Variants in INPP4B observed in about 807,000 individuals in gnomAD.
INPP4B encodes the protein inositol polyphosphate 4-phosphatase type II.
In INPP4B, 55 loss-of-function variants were observed where a neutral mutation model predicts 122.5. That is an observed-to-expected ratio of 0.45 (90% CI 0.36 to 0.56). The LOEUF is 0.56. Among genes scored for constraint, INPP4B ranks in the 20% least tolerant of loss-of-function variants. The probability of loss-of-function intolerance (pLI) is 0.00; values close to 1 mark genes in which losing one functional copy is unlikely to be tolerated. For missense variants in INPP4B, 1,000 were observed against 1,097.7 expected, an observed-to-expected ratio of 0.91 and a Z score of 1.26; for synonymous variants, 403 against 388.7, an observed-to-expected ratio of 1.04 and a Z score of -0.43.
At chr4:142,178,987 C>T (rs560003245) in intron 15 of INPP4B, among the ~76,000 whole-genome samples, 6 of 152,184 alleles carry the variant, frequency 3.9e-5, no homozygotes, top group South Asian at 2.1e-4. Context: ...GGTTTAATAA[C>T]GGGCTTCATG....
intron 17 of INPP4B, among the ~76,000 whole-genome samples, chr4:142,155,043 C>T (rs1816443467): frequency 6.6e-6 from 1 of 151,264 alleles, no homozygotes; most frequent in Admixed American, 6.6e-5. Flanking sequence ...AATATATATA[C>T]ACACATATAT....
intron 3 of INPP4B, among the ~76,000 whole-genome samples, chr4:142,432,805 A>T (rs1242523018): frequency 6.6e-6 from 1 of 152,144 alleles, no homozygotes; most frequent in Non-Finnish European, 1.5e-5. Flanking sequence ...CTGATCAGTC[A>T]TCTTCAAATG....
At chr4:142,236,682 AT>A (rs1856826612) in intron 12 of INPP4B, among the ~76,000 whole-genome samples, 1 of 152,040 alleles carries the variant, frequency 6.6e-6, no homozygotes, top group Non-Finnish European at 1.5e-5. Flanking sequence ...CTGTTTTCAT[AT>A]TTCTGCAGTC....
intron 2 of INPP4B, among the ~76,000 whole-genome samples, chr4:142,542,891 C>A (rs1829102527): frequency 1.3e-5 from 2 of 152,050 alleles, no homozygotes; most frequent in Non-Finnish European, 2.9e-5. Flanking sequence ...AGTGGCAACA[C>A]TGTAAATCTT....
chr4:142,185,832 T>C (rs1278707378), intron 15 of INPP4B, among the ~76,000 whole-genome samples: 1 of 146,186 alleles, frequency 6.8e-6, no homozygotes, highest in Non-Finnish European at 1.5e-5. Context: ...TGAGCCGAGA[T>C]TGCGCCACTG....
chr4:142,339,726 T>C (rs1579785854), intron 7 of INPP4B, among the ~76,000 whole-genome samples: 1 of 152,214 alleles, frequency 6.6e-6, no homozygotes, highest in Admixed American at 6.5e-5. Context: ...CAATGAATGC[T>C]TGACTCTGAA....
chr4:142,843,377 A>C (rs1783796276), intron 1 of INPP4B, among the ~76,000 whole-genome samples: 1 of 152,068 alleles, frequency 6.6e-6, no homozygotes, highest in South Asian at 2.1e-4. Flanking sequence ...ATTTTTTAAA[A>C]GTATTAACAA....
intron 12 of INPP4B, among the ~76,000 whole-genome samples, chr4:142,233,946 G>T (rs1347039501): frequency 1.3e-5 from 2 of 152,036 alleles, no homozygotes; most frequent in Non-Finnish European, 2.9e-5. Context: ...AAGTACATCA[G>T]CTTCGTCCAT....
chr4:142,567,022 C>A (rs144865554), intron 2 of INPP4B, among the ~76,000 whole-genome samples: 1 of 152,142 alleles, frequency 6.6e-6, no homozygotes, highest in Non-Finnish European at 1.5e-5. Context: ...TCCCCTCAAA[C>A]GCTATCCTTT....
At chr4:142,464,925 T>C (rs1580133945) in intron 2 of INPP4B, among the ~76,000 whole-genome samples, 2 of 152,204 alleles carry the variant, frequency 1.3e-5, no homozygotes, top group East Asian at 3.9e-4. Flanking sequence ...CAGTATCCTG[T>C]CCTTATTAAC....
chr4:142,454,911 A>G (rs781580117), intron 3 of INPP4B, among the ~76,000 whole-genome samples: 1 of 152,110 alleles, frequency 6.6e-6, no homozygotes, highest in Non-Finnish European at 1.5e-5. Context: ...ACTCTAAAAA[A>G]ATAAGCTAAA....
intron 22 of INPP4B, 23 bp from the exon 23 acceptor site, chr4:142,108,213 A>T (rs368330032): frequency 7.6e-7 from 1 of 1,316,020 alleles, no homozygotes. Context: ...AAAAGAAAAC[A>T]GCTGTGGGTT....
chr4:142,184,429 T>C (rs369039693), intron 15 of INPP4B, among the ~76,000 whole-genome samples: 35 of 152,332 alleles, frequency 2.3e-4, no homozygotes, highest in African/African-American at 7.9e-4. Flanking sequence ...TGTCTTTTTG[T>C]TTCTGTTTCT....
intron 2 of INPP4B, among the ~76,000 whole-genome samples, chr4:142,720,098 G>A (rs1021793479): frequency 6.6e-5 from 10 of 152,106 alleles, no homozygotes; most frequent in Non-Finnish European, 1.2e-4. Context: ...CCCATAATTC[G>A]TCATTGTCAT....
chr4:142,140,837 T>G (rs1807407183), intron 18 of INPP4B, among the ~76,000 whole-genome samples: 1 of 152,174 alleles, frequency 6.6e-6, no homozygotes, highest in Non-Finnish European at 1.5e-5. Context: ...TAGAATTAGT[T>G]GTAAAATGTG....
At chr4:142,509,472 G>A (rs528749705) in intron 2 of INPP4B, among the ~76,000 whole-genome samples, 84 of 152,138 alleles carry the variant, frequency 5.5e-4, no homozygotes, top group African/African-American at 1.8e-3. Context: ...GTGAGAACAT[G>A]CAGTGTTTGG....
At chr4:142,065,903 T>C (rs1763277408) in intron 25 of INPP4B, among the ~76,000 whole-genome samples, 1 of 152,164 alleles carries the variant, frequency 6.6e-6, no homozygotes, top group South Asian at 2.1e-4. Context: ...GGAGCTTCCA[T>C]GCACTCCCTG....
At position 142,024,232 on chromosome 4, in the gene INPP4B, A is replaced by C. The variant is rs1736326501; in HGVS notation, c.*4550T>G. On this transcript the variant is annotated 3_prime_UTR_variant, in exon 26 of 26. Transcript: ENST00000262992. ...TCTGTGAACGCAGAGCTCTAAATTA[A>C]AACTGCCAAAGCAACAAAAGATATA... is the stretch of plus-strand genomic sequence containing the variant. 1 of 152,202 alleles carries C rather than the reference A, an allele frequency of 6.6e-6. No individual in the cohort carries two copies. 9.4% of individuals were successfully genotyped at this position (152,202 alleles called of 1,614,324 possible).
At chr4:142,365,972 G>C (rs1265895396) in intron 7 of INPP4B, among the ~76,000 whole-genome samples, 1 of 152,054 alleles carries the variant, frequency 6.6e-6, no homozygotes, top group East Asian at 1.9e-4. Flanking sequence ...TTTGGGGGTG[G>C]TATCATATCT....
Sources: gnomAD v4.1 joint callset for allele counts (sites outside exome capture counted in the v4.1 genomes callset) on GRCh38, gnomAD v4.1.1 for gene constraint, MANE v1.5 for transcripts, NCBI Gene and HGNC (gene_info 2026-07-23, HGNC 2026-07-21) for gene names.